CSMD1: variants seen among roughly 807,000 people sequenced by gnomAD.
The protein encoded by CSMD1 is CUB and Sushi multiple domains 1, also known as CUB and sushi domain-containing protein 1.
A neutral mutation model predicts 417.5 loss-of-function variants in CSMD1; 213 were observed. That is an observed-to-expected ratio of 0.51 (90% CI 0.46 to 0.57). The LOEUF (loss-of-function observed/expected upper bound fraction) is 0.57. Ranked by LOEUF, CSMD1 falls within the 20% of genes least tolerant of loss-of-function variation. The pLI, the probability that CSMD1 is intolerant of heterozygous loss-of-function variation, is 0.00. For missense variants in CSMD1, 6,923 were observed against 4,529.7 expected (o/e 1.53, Z -15.17); for synonymous variants, 2,862 against 1,736.8 (o/e 1.65, Z -16.11).
chr8:4,675,847 T>C (rs1346277261), intron 1 of CSMD1, among the ~76,000 whole-genome samples: 1 of 152,162 alleles, frequency 6.6e-6, no homozygotes, highest in African/African-American at 2.4e-5. Flanking sequence ...ATTTATGCAG[T>C]GTAGTAAGGT....
At chr8:4,234,591 G>C (rs1024525671) in intron 3 of CSMD1, among the ~76,000 whole-genome samples, 4 of 152,106 alleles carry the variant, frequency 2.6e-5, no homozygotes, top group Non-Finnish European at 4.4e-5. Context: ...TTTTAATTGA[G>C]TGTTTGTATT....
intron 3 of CSMD1, among the ~76,000 whole-genome samples, chr8:4,036,730 T>G (rs1402893811): frequency 2.0e-5 from 3 of 152,234 alleles, no homozygotes; most frequent in Non-Finnish European, 4.4e-5. Flanking sequence ...CAGATGCAGT[T>G]GCAGGCTTTT....
At chr8:4,501,184 G>C (rs904226955) in intron 2 of CSMD1, among the ~76,000 whole-genome samples, 1 of 152,050 alleles carries the variant, frequency 6.6e-6, no homozygotes, top group South Asian at 2.1e-4. Flanking sequence ...ATATATGTAT[G>C]TGTATATATA....
chr8:3,805,849 T>A (rs1800704610), intron 5 of CSMD1, among the ~76,000 whole-genome samples: 1 of 152,138 alleles, frequency 6.6e-6, no homozygotes, highest in Non-Finnish European at 1.5e-5. Context: ...ATGACAAAAA[T>A]TTCATGCCTC....
chr8:4,057,916 A>C (rs1319786676), intron 3 of CSMD1, among the ~76,000 whole-genome samples: 3 of 151,836 alleles, frequency 2.0e-5, no homozygotes, highest in Non-Finnish European at 2.9e-5. Context: ...TACCAGTACC[A>C]TGCTGTTTTG....
intron 5 of CSMD1, among the ~76,000 whole-genome samples, chr8:3,940,116 A>G (rs1321967620): frequency 1.3e-5 from 2 of 152,170 alleles, no homozygotes; most frequent in Non-Finnish European, 2.9e-5. Flanking sequence ...ATTTTCTTTT[A>G]TAAAGTAAAT....
intron 14 of CSMD1, among the ~76,000 whole-genome samples, chr8:3,407,652 G>A (rs1231278386): frequency 1.3e-5 from 2 of 152,120 alleles, no homozygotes; most frequent in African/African-American, 2.4e-5. Context: ...GAGATGTAAG[G>A]AGATGAAAGA....
At chr8:4,184,993 G>C (rs751106012) in intron 3 of CSMD1, among the ~76,000 whole-genome samples, 3 of 151,814 alleles carry the variant, frequency 2.0e-5, no homozygotes, top group African/African-American at 4.8e-5. Context: ...ACAAAAATTA[G>C]CTGGGCCTGG....
intron 25 of CSMD1, among the ~76,000 whole-genome samples, chr8:3,286,937 T>C (rs1803205569): frequency 6.6e-6 from 1 of 152,194 alleles, no homozygotes; most frequent in African/African-American, 2.4e-5. Context: ...GGTTTTCTTC[T>C]AGGGTTTTTA....
chr8:4,590,024 G>C (rs531208065), intron 2 of CSMD1, among the ~76,000 whole-genome samples: 15 of 152,270 alleles, frequency 9.9e-5, no homozygotes, highest in African/African-American at 3.4e-4. Context: ...CCAAATGCTT[G>C]TCTATGCTTT....
chr8:3,974,453 T>A (rs1813289004), intron 5 of CSMD1, among the ~76,000 whole-genome samples: 1 of 152,052 alleles, frequency 6.6e-6, no homozygotes, highest in Non-Finnish European at 1.5e-5. Context: ...CAAATAATAG[T>A]ATATGGCTAC....
intron 2 of CSMD1, among the ~76,000 whole-genome samples, chr8:4,507,715 C>A (rs1017076786): frequency 6.6e-6 from 1 of 152,108 alleles, no homozygotes; most frequent in Admixed American, 6.5e-5. Context: ...GAGAAAATGA[C>A]ATTTTCAAGC....
intron 1 of CSMD1, among the ~76,000 whole-genome samples, chr8:4,687,305 G>A (rs1806455807): frequency 6.6e-6 from 1 of 152,200 alleles, no homozygotes; most frequent in Non-Finnish European, 1.5e-5. Context: ...AGAGGATGAT[G>A]TGTGAAGACA....
intron 3 of CSMD1, among the ~76,000 whole-genome samples, chr8:4,055,141 C>A (rs1442673345): frequency 6.6e-6 from 1 of 152,158 alleles, no homozygotes; most frequent in East Asian, 1.9e-4. Flanking sequence ...ATATGGCCTA[C>A]TTCAGAAACT....
At chr8:4,716,049 G>T (rs927644161) in intron 1 of CSMD1, among the ~76,000 whole-genome samples, 6 of 152,192 alleles carry the variant, frequency 3.9e-5, no homozygotes, top group African/African-American at 9.7e-5. Flanking sequence ...CCAATAGTAA[G>T]GGAGCTGACA....
chr8:4,323,642 A>C (rs1392603707), intron 3 of CSMD1, among the ~76,000 whole-genome samples: 1 of 152,278 alleles, frequency 6.6e-6, no homozygotes, highest in East Asian at 1.9e-4. Context: ...AAGGAGAAAA[A>C]ACAAATAAGG....
chr8:4,553,437 G>C (rs927377315), intron 2 of CSMD1, among the ~76,000 whole-genome samples: 6 of 139,740 alleles, frequency 4.3e-5, no homozygotes, highest in Non-Finnish European at 6.3e-5. Context: ...AACTGAAAAA[G>C]AATTTTTTTT....
At chr8:3,244,991 C>G (rs1013973775) in intron 26 of CSMD1, among the ~76,000 whole-genome samples, 19 of 152,146 alleles carry the variant, frequency 1.2e-4, no homozygotes, top group African/African-American at 4.8e-5. Flanking sequence ...AACTGTGATT[C>G]CTCAAGAGGG....
chr8:3,144,860 C>T (rs988188499), intron 40 of CSMD1, among the ~76,000 whole-genome samples: 1 of 150,662 alleles, frequency 6.6e-6, no homozygotes, highest in African/African-American at 2.4e-5. Flanking sequence ...CTCCTGTGTC[C>T]CTTGGTTTGG....
Sources: gnomAD v4.1 joint callset for allele counts (sites outside exome capture counted in the v4.1 genomes callset) on GRCh38, gnomAD v4.1.1 for gene constraint, MANE v1.5 for transcripts, NCBI Gene and HGNC (gene_info 2026-07-23, HGNC 2026-07-21) for gene names.